The following NRCAM variants were observed in gnomAD, a reference collection of about 807,000 sequenced individuals.
NRCAM encodes NgCAM-related cell adhesion molecule.
NRCAM carries 83 observed loss-of-function variants against 156.5 expected under a neutral mutation model. The observed-to-expected ratio is 0.53, with a 90% CI of 0.44 to 0.64. NRCAM has a LOEUF of 0.64. NRCAM is among the 30% of genes least tolerant of loss of function. The pLI is 0.00. For missense variants in NRCAM, 1,417 were observed against 1,597.3 expected, an observed-to-expected ratio of 0.89 and a Z score of 1.92; for synonymous variants, 538 against 563.9, an observed-to-expected ratio of 0.95 and a Z score of 0.65.
chr7:108,180,123 G>C (rs1330500957), intron 25 of NRCAM, 100 bp downstream of exon 25: 11 of 947,258 alleles, frequency 1.2e-5, no homozygotes, highest in Non-Finnish European at 1.6e-5. Flanking sequence ...ATCACATTTG[G>C]CTTCCAGAAT....
Position 108,233,411 on chromosome 7 carries a change from C to T in NRCAM, c.231-889G>A, listed in dbSNP as rs10263709. Among the ~76,000 whole-genome samples, 883 of 152,278 alleles carry T rather than the reference C, an allele frequency of 5.8e-3. 8 individuals are homozygous for T. Among genetic ancestry groups the T allele is most frequent in the African/African-American group, 0.02 (835 of 41,552 alleles). On this transcript the variant is annotated intron_variant, in intron 6 of 32. Transcript: ENST00000379028. ...ACTGGCATATTGTGGGCAGGGGCCA[C>T]GGATGCTGCCAAATATCCTACAATG...
At chr7:108,174,908 A>T (rs1563257675) in intron 28 of NRCAM, among the ~76,000 whole-genome samples, 1 of 152,242 alleles carries the variant, frequency 6.6e-6, no homozygotes, top group Non-Finnish European at 1.5e-5. Flanking sequence ...CAAGGAGAGC[A>T]GCTAAATCAG....
rs28641825 is a variant in NRCAM at position 108,241,964 on chromosome 7, T to A, written c.-106-1794A>T. 5.4e-3 allele frequency among the ~76,000 whole-genome samples: 819 copies of A among 152,228 alleles called. 8 individuals are homozygous for A. The highest frequency in any genetic ancestry group is 0.019 in the African/African-American group (779 of 41,550). On this transcript the variant is annotated intron_variant, in intron 3 of 32. Coordinates refer to ENST00000379028, the MANE Select transcript of NRCAM (RefSeq NM_001037132.4). ...ATGATTAAAACTGTAGTAGGACACT[T>A]CTTGCAAAACAAATTTTAAAAGAAT...
At chr7:108,389,382 T>C (rs1336251590) in intron 2 of NRCAM, among the ~76,000 whole-genome samples, 2 of 152,190 alleles carry the variant, frequency 1.3e-5, no homozygotes, top group African/African-American at 2.4e-5. Flanking sequence ...ATAGGAATGC[T>C]TGTGATTTTT....
intron 2 of NRCAM, among the ~76,000 whole-genome samples, chr7:108,386,083 A>G (rs140028000): frequency 9.6e-4 from 146 of 152,242 alleles, no homozygotes; most frequent in African/African-American, 3.2e-3. Flanking sequence ...TAATGTGATA[A>G]GTATATAAGG....
intron 1 of NRCAM, among the ~76,000 whole-genome samples, chr7:108,446,740 T>TTC (rs1747483460): frequency 6.6e-6 from 1 of 151,664 alleles, no homozygotes; most frequent in South Asian, 2.1e-4. Context: ...GTCTTTTTTT[T>TTC]TTTTTGAGAT....
intron 2 of NRCAM, among the ~76,000 whole-genome samples, chr7:108,315,333 T>TTAA (rs2098895862): frequency 6.6e-6 from 1 of 152,098 alleles, no homozygotes; most frequent in Non-Finnish European, 1.5e-5. Flanking sequence ...CATACTTAAC[T>TTAA]GGAGAAAAAA....
At chr7:108,279,442 A>G (rs2300008) in intron 3 of NRCAM, among the ~76,000 whole-genome samples, 7,427 of 152,224 alleles carry the variant, frequency 0.049, 229 homozygotes, top group South Asian at 0.11. Flanking sequence ...TATATTTTCT[A>G]TCTGGAAGTT....
chr7:108,436,166 G>T (rs937112929), intron 1 of NRCAM, among the ~76,000 whole-genome samples: 4 of 151,980 alleles, frequency 2.6e-5, no homozygotes, highest in African/African-American at 9.7e-5. Context: ...AAAATAATTC[G>T]CTCACACACG....
At chr7:108,297,286 A>G (rs368574114) in intron 3 of NRCAM, among the ~76,000 whole-genome samples, 7 of 152,346 alleles carry the variant, frequency 4.6e-5, no homozygotes, top group African/African-American at 1.7e-4. Context: ...AATGAGAGGA[A>G]CATTTCTTTT....
At chr7:108,368,241 C>A (rs1196697919) in intron 2 of NRCAM, among the ~76,000 whole-genome samples, 1 of 134,262 alleles carries the variant, frequency 7.4e-6, no homozygotes, top group Non-Finnish European at 1.6e-5. Context: ...CCCACCCCCC[C>A]GCCTGCTCAC....
chr7:108,176,342 TC>T, intron 27 of NRCAM, 87 bp downstream of exon 27: 1 of 1,180,066 alleles, frequency 8.5e-7, no homozygotes, highest in Non-Finnish European at 1.2e-6. Context: ...AGACAGACGT[TC>T]CATAGCAAGA....
chr7:108,452,919 C>A (rs969762037), intron 1 of NRCAM, among the ~76,000 whole-genome samples: 3 of 152,134 alleles, frequency 2.0e-5, no homozygotes, highest in African/African-American at 7.2e-5. Flanking sequence ...GAAGGGACCA[C>A]AAGAGGGCTT....
rs796271704 is a variant in NRCAM at position 108,257,014 on chromosome 7, AAAAAAGAAAAAG to A, written c.-106-16856_-106-16845del. ...GCAAAGGAAGACTGTCGAAAAAAAA[AAAAAAGAAAAAG>A]AAAAAGAAAAAGAAAAGAAGGAAGG... On this transcript the variant is annotated intron_variant, in intron 3 of 32. Coordinates refer to ENST00000379028, the MANE Select transcript of NRCAM (RefSeq NM_001037132.4). 4.7e-4 allele frequency among the ~76,000 whole-genome samples: 65 copies of A among 137,148 alleles called. No homozygotes were observed. The East Asian group carries it at 4.9e-3, about 10-fold the overall frequency. The allele number at this position is 137,148 out of a possible 152,430, so 90.0% of individuals were successfully genotyped here. A position where few individuals can be genotyped will look rare whatever the true frequency, so the allele number is the denominator to read the frequency against.
chr7:108,389,244 G>A (rs553187885), intron 2 of NRCAM, among the ~76,000 whole-genome samples: 8 of 152,266 alleles, frequency 5.3e-5, no homozygotes, highest in South Asian at 4.1e-4. Flanking sequence ...TTGAGCAGTC[G>A]TTTGTAGTTC....
rs756429252 is a variant in NRCAM, at chr7:108,198,108, A to G, written c.1208-9T>C. The G allele has an allele frequency of 2.3e-5, 36 of 1,587,352 alleles. No homozygotes were observed. The South Asian group carries it at 3.5e-4, about 15-fold the overall frequency. ...GGGGTCATCAGGGGCAACTGTTTGGATGTAAAAATAGAAAGTATTTATTCC... is the reference window on the plus strand; with the variant it reads ...GGGGTCATCAGGGGCAACTGTTTGGGTGTAAAAATAGAAAGTATTTATTCC... On this transcript the variant is annotated splice_polypyrimidine_tract_variant and intron_variant, in intron 13 of 32. Coordinates refer to ENST00000379028, the MANE Select transcript of NRCAM (RefSeq NM_001037132.4).
chr7:108,340,169 A>C (rs2099259459), intron 2 of NRCAM, among the ~76,000 whole-genome samples: 1 of 151,366 alleles, frequency 6.6e-6, no homozygotes, highest in East Asian at 1.9e-4. Context: ...TCCAACTAAT[A>C]AGCAACCCCC....
intron 30 of NRCAM, among the ~76,000 whole-genome samples, chr7:108,165,029 C>T (rs1423387859): frequency 6.6e-6 from 1 of 152,178 alleles, no homozygotes; most frequent in Non-Finnish European, 1.5e-5. Context: ...TGGATAAAGT[C>T]ACTTTTTCCT....
Position 108,207,611 on chromosome 7 carries a change from C to A in NRCAM, c.1124G>T (p.Gly375Val). ...TCTGCAGATCAAGGTCCCATCCTCT[C>A]CTGGGGACAGCACAAGATTTTGAGG... ...TAPQNLVLSP[G>V]EDGTLICRAN... Residue 375 changes from glycine to valine, a missense_variant, in exon 13 of 33, where the codon GGA (glycine) becomes GTA (valine). By Grantham distance (109) the Gly-to-Val change is moderately radical (BLOSUM62 -3). Around this residue, in one of 2 missense-constraint regions of NRCAM, gnomAD observed 1,238 missense variants for 1,336.4 expected, o/e 0.93. Coordinates refer to ENST00000379028, the MANE Select transcript of NRCAM (RefSeq NM_001037132.4). 1 of 1,613,950 alleles carries A rather than the reference C, an allele frequency of 6.2e-7. No individual in the cohort carries two copies. The highest frequency in any genetic ancestry group is 1.1e-5 in the South Asian group (1 of 91,066).
Sources: gnomAD v4.1 joint callset for allele counts (sites outside exome capture counted in the v4.1 genomes callset) on GRCh38, gnomAD v4.1.1 for gene constraint, gnomAD v4.1.1 regional missense constraint, MANE v1.5 for transcripts, NCBI Gene and HGNC (gene_info 2026-07-23, HGNC 2026-07-21) for gene names.